DLGAP1: variants seen among roughly 807,000 people sequenced by gnomAD.
DLGAP1 encodes the protein disks large-associated protein 1.
A neutral mutation model predicts 90.8 loss-of-function variants in DLGAP1; 11 were observed. The observed-to-expected ratio is 0.12, with a 90% confidence interval of 0.08 to 0.20. The LOEUF (loss-of-function observed/expected upper bound fraction) is 0.20. Ranked by LOEUF, DLGAP1 falls within the 10% of genes least tolerant of loss-of-function variation. DLGAP1 has a pLI of 1.00. For synonymous variants in DLGAP1, 558 were observed against 540.7 expected, an observed-to-expected ratio of 1.03 and a Z score of -0.44; for missense variants, 1,050 against 1,333.8, an observed-to-expected ratio of 0.79 and a Z score of 3.31.
intron 3 of DLGAP1, among the ~76,000 whole-genome samples, chr18:3,994,100 C>T (rs2074021647): frequency 2.6e-5 from 4 of 152,162 alleles, no homozygotes; most frequent in Non-Finnish European, 4.4e-5. Context: ...GCCTGTGACC[C>T]TCCCTTTCCT....
chr18:3,729,069 GT>G lies in DLGAP1; in HGVS notation c.1591+65del. 6.5e-7 allele frequency: 1 copy of G among 1,538,958 alleles called. No homozygotes were observed. The highest frequency in any genetic ancestry group is 8.7e-7 in the Non-Finnish European group (1 of 1,143,274). On this transcript the variant is annotated intron_variant, in intron 7 of 12. Transcript: ENST00000315677. This position sits in a 1 kb window ranked among gnomAD's most constrained non-coding sequence, Gnocchi z 6.2. ...TATGTGTGTTGACAGCAAGGGCACA[GT>G]CTTTGGGGACAGTCGTGCCATAGCC...
At chr18:4,271,000 T>C (rs922869603) in intron 1 of DLGAP1, among the ~76,000 whole-genome samples, 1 of 152,184 alleles carries the variant, frequency 6.6e-6, no homozygotes, top group African/African-American at 2.4e-5. Context: ...TTCCAAAGCT[T>C]AGAAACATAA....
intron 9 of DLGAP1, among the ~76,000 whole-genome samples, chr18:3,538,247 T>C (rs1224877113): frequency 2.0e-5 from 3 of 152,162 alleles, no homozygotes; most frequent in Admixed American, 2.0e-4. Flanking sequence ...AAATACGTTG[T>C]GATTCTGGCC....
intron 7 of DLGAP1, among the ~76,000 whole-genome samples, chr18:3,695,829 C>G (rs1476646036): frequency 6.6e-6 from 1 of 152,170 alleles, no homozygotes; most frequent in Non-Finnish European, 1.5e-5. Context: ...TTCTTCCTAT[C>G]CATAAGCATG....
At chr18:4,107,020 A>G (rs2075880164) in intron 2 of DLGAP1, among the ~76,000 whole-genome samples, 1 of 152,214 alleles carries the variant, frequency 6.6e-6, no homozygotes, top group South Asian at 2.1e-4. Context: ...AATAAAATGC[A>G]CTAGATTTAC....
At chr18:4,118,697 G>T (rs1464733361) in intron 2 of DLGAP1, among the ~76,000 whole-genome samples, 2 of 151,896 alleles carry the variant, frequency 1.3e-5, no homozygotes, top group African/African-American at 4.8e-5. Flanking sequence ...TTTCTTGGTT[G>T]CATCTCCCTG....
At chr18:4,088,294 C>A (rs1486372939) in intron 2 of DLGAP1, among the ~76,000 whole-genome samples, 1 of 152,090 alleles carries the variant, frequency 6.6e-6, no homozygotes, top group African/African-American at 2.4e-5. Context: ...CTGCTGTTGT[C>A]AAAAATTTTA....
intron 1 of DLGAP1, among the ~76,000 whole-genome samples, chr18:4,211,157 G>A (rs542032573): frequency 4.6e-5 from 7 of 152,244 alleles, no homozygotes; most frequent in South Asian, 4.1e-4. Context: ...CTGGTTTACC[G>A]CATTAAGATC....
chr18:4,031,032 A>G (rs568916696), intron 2 of DLGAP1, among the ~76,000 whole-genome samples: 1 of 152,122 alleles, frequency 6.6e-6, no homozygotes, highest in Non-Finnish European at 1.5e-5. Context: ...ATTAAACCCT[A>G]TATCTCGTTC....
At chr18:3,640,186 G>T (rs2058887866) in intron 7 of DLGAP1, among the ~76,000 whole-genome samples, 1 of 152,016 alleles carries the variant, frequency 6.6e-6, no homozygotes. Flanking sequence ...TTAAAAAATA[G>T]ATATAAATAA....
intron 3 of DLGAP1, among the ~76,000 whole-genome samples, chr18:4,003,132 T>C (rs1404270283): frequency 6.6e-6 from 1 of 152,128 alleles, no homozygotes; most frequent in Non-Finnish European, 1.5e-5. Context: ...CCATGACCCC[T>C]CGTGGGAACA....
chr18:4,216,266 G>A (rs377423848), intron 1 of DLGAP1, among the ~76,000 whole-genome samples: 10 of 146,190 alleles, frequency 6.8e-5, no homozygotes, highest in South Asian at 4.4e-4. Context: ...AACAGCATGA[G>A]TGTAACCGCT....
At chr18:4,019,888 T>C (rs1176848172) in intron 2 of DLGAP1, among the ~76,000 whole-genome samples, 1 of 152,220 alleles carries the variant, frequency 6.6e-6, no homozygotes, top group East Asian at 1.9e-4. Context: ...GAGCAAATTC[T>C]ATGACCTATA....
intron 3 of DLGAP1, among the ~76,000 whole-genome samples, chr18:3,883,049 G>A (rs970496334): frequency 6.6e-6 from 1 of 152,222 alleles, no homozygotes. Flanking sequence ...TTCAAGACCA[G>A]TCTAGCCAAC....
intron 1 of DLGAP1, among the ~76,000 whole-genome samples, chr18:4,154,533 G>C (rs1438551065): frequency 6.6e-6 from 1 of 151,988 alleles, no homozygotes; most frequent in Non-Finnish European, 1.5e-5. Context: ...AAAACTATTG[G>C]CTGAGAGTGC....
intron 7 of DLGAP1, among the ~76,000 whole-genome samples, chr18:3,719,358 A>C (rs2061885383): frequency 6.6e-6 from 1 of 151,884 alleles, no homozygotes; most frequent in South Asian, 2.1e-4. Context: ...CGAGGTCAGG[A>C]GATCAAGACC....
chr18:4,331,660 G>A (rs7227514), intron 1 of DLGAP1, among the ~76,000 whole-genome samples: 55,155 of 151,174 alleles, frequency 0.36, 10,335 homozygotes, highest in African/African-American at 0.4. Flanking sequence ...GATGACTGGC[G>A]CCCTGCTTCC....
At chr18:4,346,255 AT>A (rs979798640) in intron 1 of DLGAP1, among the ~76,000 whole-genome samples, 2 of 151,626 alleles carry the variant, frequency 1.3e-5, no homozygotes, top group East Asian at 1.9e-4. Context: ...AGGACATCAG[AT>A]TTTTTTTTAA....
chr18:3,831,896 T>C (rs575000637), intron 4 of DLGAP1, among the ~76,000 whole-genome samples: 17 of 152,356 alleles, frequency 1.1e-4, no homozygotes, highest in African/African-American at 3.8e-4. Context: ...GGAAACTTCA[T>C]ATTTTGTGTC....
Sources: allele counts gnomAD v4.1 joint callset (sites outside exome capture counted in the v4.1 genomes callset), GRCh38; gene constraint gnomAD v4.1.1; non-coding constraint Gnocchi (gnomAD v3.1); transcripts MANE v1.5; gene names NCBI Gene and HGNC (gene_info 2026-07-23, HGNC 2026-07-21).